Variants in RMDN2 observed in about 807,000 individuals in gnomAD.
The protein encoded by RMDN2 is regulator of microtubule dynamics protein 2.
A neutral mutation model predicts 52.8 loss-of-function variants in RMDN2; 61 were observed. That is an observed-to-expected ratio of 1.16 (90% CI 0.94 to 1.43). The LOEUF (loss-of-function observed/expected upper bound fraction) is 1.43, where lower values mean the gene tolerates loss of function less well. RMDN2 is among the 40% of genes most tolerant of loss of function. The pLI, the probability that RMDN2 is intolerant of heterozygous loss-of-function variation, is 0.00. For synonymous variants in RMDN2, 180 were observed against 153.1 expected, an observed-to-expected ratio of 1.18 and a Z score of -1.30; for missense variants, 592 against 475.3, an observed-to-expected ratio of 1.25 and a Z score of -2.28.
intron 10 of RMDN2, chr2:38,012,611 C>T (rs201402600): frequency 2.1e-6 from 1 of 467,956 alleles, no homozygotes; most frequent in East Asian, 7.0e-5. Flanking sequence ...AGTGATGTCT[C>T]CATTTGTATT....
At chr2:37,934,138 T>C (rs1167646919) in intron 2 of RMDN2, among the ~76,000 whole-genome samples, 1 of 152,176 alleles carries the variant, frequency 6.6e-6, no homozygotes, top group East Asian at 1.9e-4. Context: ...TTTTTACTTC[T>C]TTTCAAAAAA....
At chr2:37,956,811 C>G (rs116824988) in intron 2 of RMDN2, among the ~76,000 whole-genome samples, 4,959 of 152,022 alleles carry the variant, frequency 0.033, 252 homozygotes, top group African/African-American at 0.11. Flanking sequence ...CCCCTTGCTC[C>G]CCACCCCCAA....
At chr2:37,950,637 T>C (rs376707279) in intron 2 of RMDN2, 1 of 1,598,108 alleles carries the variant, frequency 6.3e-7, no homozygotes, top group Non-Finnish European at 8.6e-7. Context: ...TAAAAGAACA[T>C]TGAAAATATT....
chr2:38,008,327 C>A (rs1412497900), intron 10 of RMDN2, among the ~76,000 whole-genome samples: 2 of 151,984 alleles, frequency 1.3e-5, no homozygotes, highest in Non-Finnish European at 2.9e-5. Flanking sequence ...CCCATTATTA[C>A]TGTGTGGGAG....
chr2:38,026,381 CATT>C (rs1199844597), intron 10 of RMDN2, among the ~76,000 whole-genome samples: 1 of 152,078 alleles, frequency 6.6e-6, no homozygotes. Flanking sequence ...CTACAGGTAA[CATT>C]ATAACCAATG....
chr2:37,923,909 T>A (rs376308422), upstream of RMDN2, among the ~76,000 whole-genome samples: 130 of 152,190 alleles, frequency 8.5e-4, no homozygotes, highest in African/African-American at 2.7e-3. Flanking sequence ...GCCACCACAC[T>A]CGGCTAATTT....
At chr2:38,030,149 T>G (rs182547471) in intron 10 of RMDN2, 3 of 152,098 alleles carry the variant, frequency 2.0e-5, no homozygotes, top group African/African-American at 4.8e-5. Flanking sequence ...AGACAATGAG[T>G]CTGTGACAAT....
chr2:37,950,967 A>G (rs903754201), intron 2 of RMDN2, among the ~76,000 whole-genome samples: 2 of 151,994 alleles, frequency 1.3e-5, no homozygotes, highest in African/African-American at 4.8e-5. Context: ...TGATTTTTTC[A>G]ACTTCTCTTC....
intron 10 of RMDN2, chr2:38,036,908 AAGGCTGTCTC>A (rs1321633232): frequency 1.3e-5 from 2 of 152,278 alleles, no homozygotes; most frequent in African/African-American, 4.8e-5. Flanking sequence ...AAAGATGACC[AAGGCTGTCTC>A]AGGTATCCTG....
intron 10 of RMDN2, among the ~76,000 whole-genome samples, chr2:38,052,135 A>G (rs1681640455): frequency 6.6e-6 from 1 of 152,212 alleles, no homozygotes; most frequent in South Asian, 2.1e-4. Context: ...ATTCCCACCA[A>G]CAGTGTATAA....
intron 10 of RMDN2, among the ~76,000 whole-genome samples, chr2:38,012,346 A>G (rs1033452211): frequency 6.6e-6 from 1 of 152,206 alleles, no homozygotes; most frequent in African/African-American, 2.4e-5. Context: ...TGATTGTTCC[A>G]TGAAAGTAAC....
intron 10 of RMDN2, among the ~76,000 whole-genome samples, chr2:38,061,212 A>AAGGG (rs1682033506): frequency 6.6e-6 from 1 of 152,012 alleles, no homozygotes; most frequent in African/African-American, 2.4e-5. Flanking sequence ...GTGTCCTCTT[A>AAGGG]CATCCTCCCC....
Position 38,017,306 on chromosome 2 carries a change from C to T in RMDN2, c.*67C>T. The T allele has an allele frequency of 6.9e-7, 1 of 1,459,822 alleles. No individual in the cohort carries two copies. Among genetic ancestry groups the T allele is most frequent in the South Asian group, 1.5e-5 (1 of 67,484 alleles). 90.4% of individuals were successfully genotyped at this position (1,459,822 alleles called of 1,614,324 possible). On this transcript the variant is annotated 3_prime_UTR_variant, in exon 11 of 11. Transcript: ENST00000354545. ...AAAATTTAAATGAATCAAAGTTGTG[C>T]TTTTATTATCCTTCATTTTTGATGT...
chr2:38,026,681 C>T (rs59814466), intron 10 of RMDN2, among the ~76,000 whole-genome samples: 7,426 of 152,102 alleles, frequency 0.049, 586 homozygotes, highest in African/African-American at 0.16. Flanking sequence ...TATACACGTG[C>T]CATGATTGTT....
intron 2 of RMDN2, among the ~76,000 whole-genome samples, chr2:37,970,039 C>G (rs570218533): frequency 2.0e-4 from 31 of 152,118 alleles, no homozygotes; most frequent in Non-Finnish European, 4.1e-4. Context: ...CTCAAGCTAT[C>G]CTCTCACCTC....
intron 8 of RMDN2, among the ~76,000 whole-genome samples, chr2:38,001,899 C>A (rs1676373649): frequency 1.3e-5 from 2 of 152,180 alleles, no homozygotes; most frequent in Non-Finnish European, 2.9e-5. Context: ...AACCAGAATC[C>A]ATGGATGCCA....
chr2:38,046,930 C>T (rs1216185909), intron 10 of RMDN2, among the ~76,000 whole-genome samples: 1 of 151,704 alleles, frequency 6.6e-6, no homozygotes, highest in African/African-American at 2.4e-5. Flanking sequence ...TTGCAGAGAG[C>T]CGAGATTGCG....
rs546960635 is a variant in RMDN2, at chr2:37,989,693, T to A, written c.867+77T>A. On this transcript the variant is annotated intron_variant, in intron 6 of 10. Coordinates refer to ENST00000354545, the MANE Select transcript of RMDN2 (RefSeq NM_001170791.3). ...GGTATTTATTAATAATAAAAATGTTTTAATGTAGCCATATGTTCCATCAAT... is the reference window on the plus strand; with the variant it reads ...GGTATTTATTAATAATAAAAATGTTATAATGTAGCCATATGTTCCATCAAT... 1.5e-5 allele frequency: 15 copies of A among 971,594 alleles called. No homozygotes were observed. In the South Asian group the frequency reaches 1.8e-4, roughly 12 times the overall value. The allele number at this position is 971,594 out of a possible 1,614,324, so 60.2% of individuals were successfully genotyped here. A position where few individuals can be genotyped will look rare whatever the true frequency, so the allele number is the denominator to read the frequency against.
intron 5 of RMDN2, among the ~76,000 whole-genome samples, chr2:37,983,332 G>A (rs180726854): frequency 8.5e-5 from 13 of 152,278 alleles, no homozygotes; most frequent in African/African-American, 2.6e-4. Flanking sequence ...AGATGATGCT[G>A]AACTCTGGGT....
Sources: allele counts gnomAD v4.1 joint callset (sites outside exome capture counted in the v4.1 genomes callset), GRCh38; gene constraint gnomAD v4.1.1; transcripts MANE v1.5; gene names NCBI Gene and HGNC (gene_info 2026-07-23, HGNC 2026-07-21).